Variants in PAK1 observed in about 807,000 individuals in gnomAD.
PAK1 encodes the protein serine/threonine-protein kinase PAK 1.
A neutral mutation model predicts 67.4 loss-of-function variants in PAK1; 29 were observed. The observed-to-expected ratio is 0.43, with a 90% confidence interval of 0.32 to 0.59. The LOEUF is 0.59. Among genes scored for constraint, PAK1 ranks in the 20% least tolerant of loss-of-function variants. The pLI is 0.07. For missense variants in PAK1, 337 were observed against 670.7 expected (o/e 0.50, Z 5.50); for synonymous variants, 223 against 237.4 (o/e 0.94, Z 0.56).
At position 77,429,056 on chromosome 11, in the gene PAK1, T is replaced by TAAAAAAAAAAAAAAAAAAAAAAAAA. The variant is rs566874549; in HGVS notation, c.-21-36540_-21-36516dup. ...TTGGATTCTAAATGCCATTTAATAC[T>TAAAAAAAAAAAAAAAAAAAAAAAAA]AAAAAAAAAAAAAAAAAAAAAAAAA... On this transcript the variant is annotated intron_variant, in intron 1 of 14. Transcript: ENST00000356341. Among the ~76,000 whole-genome samples the TAAAAAAAAAAAAAAAAAAAAAAAAA allele has an allele frequency of 8.2e-4, 40 of 48,984 alleles. 5 individuals carry two copies. Among genetic ancestry groups the TAAAAAAAAAAAAAAAAAAAAAAAAA allele is most frequent in the Admixed American group, 2.3e-3 (8 of 3,420 alleles). The allele number at this position is 48,984 out of a possible 152,430, so 32.1% of individuals were successfully genotyped here.
intron 1 of PAK1, among the ~76,000 whole-genome samples, chr11:77,402,047 A>G (rs1952766426): frequency 6.6e-6 from 1 of 152,236 alleles, no homozygotes; most frequent in African/African-American, 2.4e-5. Context: ...TTTTATTTTT[A>G]TAAAATAAAC....
At chr11:77,430,510 C>A (rs894942660) in intron 1 of PAK1, among the ~76,000 whole-genome samples, 18 of 152,192 alleles carry the variant, frequency 1.2e-4, no homozygotes, top group Non-Finnish European at 2.5e-4. Flanking sequence ...CTGTAGCTGT[C>A]AACAAAAGCA....
At chr11:77,349,174 TAA>T in intron 9 of PAK1, 63 bp downstream of exon 9, 1 of 1,173,776 alleles carries the variant, frequency 8.5e-7, no homozygotes, top group Non-Finnish European at 1.2e-6. Context: ...TAACAAGGGC[TAA>T]AAATTAATCC....
At chr11:77,410,476 T>C (rs1403756294) in intron 1 of PAK1, among the ~76,000 whole-genome samples, 1 of 152,118 alleles carries the variant, frequency 6.6e-6, no homozygotes, top group African/African-American at 2.4e-5. Flanking sequence ...TAGAAAACAA[T>C]GTTTGGACCT....
intron 9 of PAK1, among the ~76,000 whole-genome samples, chr11:77,344,469 C>A (rs889119622): frequency 6.6e-6 from 1 of 152,134 alleles, no homozygotes; most frequent in African/African-American, 2.4e-5. Flanking sequence ...AGGATGAGAG[C>A]TCTATCTACA....
chr11:77,503,498 A>G, the PAK1 span, among the ~76,000 whole-genome samples: 2 of 152,108 alleles, frequency 1.3e-5, no homozygotes, highest in Admixed American at 6.6e-5. Flanking sequence ...ATTATTGAGA[A>G]CCCCAAAGAA....
the PAK1 span, among the ~76,000 whole-genome samples, chr11:77,506,640 G>A: frequency 6.6e-6 from 1 of 152,174 alleles, no homozygotes; most frequent in African/African-American, 2.4e-5. Context: ...AGGGGTTGGT[G>A]ACAATACAGG....
chr11:77,464,257 T>A (rs1295473773), intron 1 of PAK1, among the ~76,000 whole-genome samples: 1 of 152,204 alleles, frequency 6.6e-6, no homozygotes, highest in Non-Finnish European at 1.5e-5. Context: ...CCTGACATGC[T>A]TTTTCCCCCT....
At chr11:77,375,207 G>A (rs1382263495) in intron 4 of PAK1, among the ~76,000 whole-genome samples, 1 of 152,110 alleles carries the variant, frequency 6.6e-6, no homozygotes, top group Non-Finnish European at 1.5e-5. Context: ...TAAATACTAC[G>A]CTAGAACTGT....
At chr11:77,463,351 C>T (rs1957448490) in intron 1 of PAK1, among the ~76,000 whole-genome samples, 1 of 152,006 alleles carries the variant, frequency 6.6e-6, no homozygotes, top group African/African-American at 2.4e-5. Context: ...ACATACTCCC[C>T]TGCCAATGTT....
At chr11:77,484,585 CAG>C in the PAK1 span, among the ~76,000 whole-genome samples, 8 of 152,132 alleles carry the variant, frequency 5.3e-5, no homozygotes, top group Admixed American at 5.2e-4. Context: ...AGAAGTTGGG[CAG>C]AGATTGTCTT....
chr11:77,462,101 TG>T (rs1036219205), intron 1 of PAK1, among the ~76,000 whole-genome samples: 1 of 150,782 alleles, frequency 6.6e-6, no homozygotes, highest in Non-Finnish European at 1.5e-5. Context: ...CCGAAGCGGG[TG>T]GATCACAAGG....
intron 12 of PAK1, among the ~76,000 whole-genome samples, chr11:77,337,108 A>C (rs1942825883): frequency 1.3e-5 from 2 of 151,692 alleles, no homozygotes; most frequent in Non-Finnish European, 2.9e-5. Flanking sequence ...CATTCAGCAA[A>C]GTTTTTTGTG....
Position 77,393,285 on chromosome 11 carries a change from A to AAG in PAK1, c.-21-746_-21-745dup, listed in dbSNP as rs35216521. On this transcript the variant is annotated intron_variant, in intron 1 of 14. Coordinates refer to ENST00000356341, the MANE Select transcript of PAK1 (RefSeq NM_002576.5). ...TTCTACCTTGTTCTTTAAAAAAAAAAAGAGAGAGAGAGAGAGAGAGAGAGA... is the reference window on the plus strand; with the variant it reads ...TTCTACCTTGTTCTTTAAAAAAAAAAAGAGAGAGAGAGAGAGAGAGAGAGAGA... Among the ~76,000 whole-genome samples the AAG allele has an allele frequency of 4.7e-3, 667 of 141,804 alleles. 10 individuals carry two copies. Among genetic ancestry groups the AAG allele is most frequent in the South Asian group, 0.046 (203 of 4,416 alleles). The allele number at this position is 141,804 out of a possible 152,430, so 93.0% of individuals were successfully genotyped here.
chr11:77,349,356 G>C, intron 8 of PAK1, 69 bp from the exon 9 acceptor site: 1 of 1,206,138 alleles, frequency 8.3e-7, no homozygotes, highest in East Asian at 2.5e-5. Context: ...TTTGTCAAAT[G>C]CAGTTCTACA....
At chr11:77,365,294 C>A (rs1191910048) in intron 5 of PAK1, among the ~76,000 whole-genome samples, 5 of 147,154 alleles carry the variant, frequency 3.4e-5, no homozygotes, top group African/African-American at 1.3e-4. Context: ...AAAATGGACC[C>A]ATAGCAATTA....
At chr11:77,441,253 T>C (rs1315426618) in intron 1 of PAK1, among the ~76,000 whole-genome samples, 2 of 152,144 alleles carry the variant, frequency 1.3e-5, no homozygotes, top group African/African-American at 2.4e-5. Flanking sequence ...GGCCTAAGTT[T>C]CTTAGAGACA....
chr11:77,324,750 TACACAC>T (rs142981945), intron 14 of PAK1, among the ~76,000 whole-genome samples: 60 of 140,706 alleles, frequency 4.3e-4, no homozygotes, highest in Non-Finnish European at 7.0e-4. Context: ...TATATATGTA[TACACAC>T]ACACACACAC....
At chr11:77,401,205 T>C (rs1014361580) in intron 1 of PAK1, among the ~76,000 whole-genome samples, 8 of 152,240 alleles carry the variant, frequency 5.3e-5, no homozygotes, top group African/African-American at 1.9e-4. Flanking sequence ...TATGAGAATC[T>C]GATCTTTAAT....
Sources: gnomAD v4.1 joint callset for allele counts (sites outside exome capture counted in the v4.1 genomes callset) on GRCh38, gnomAD v4.1.1 for gene constraint, MANE v1.5 for transcripts, NCBI Gene and HGNC (gene_info 2026-07-23, HGNC 2026-07-21) for gene names.